The following CEP112 variants were observed in gnomAD, a reference collection of about 807,000 sequenced individuals.
The protein encoded by CEP112 is centrosomal protein of 112 kDa.
In CEP112, 127 loss-of-function variants were observed where a neutral mutation model predicts 153.0. The ratio of observed to expected loss-of-function variants is 0.83; its 90% CI spans 0.72 to 0.96. CEP112 has a LOEUF of 0.96. Among genes scored for constraint, CEP112 ranks in the 40% least tolerant of loss-of-function variants. The pLI, the probability that CEP112 is intolerant of heterozygous loss-of-function variation, is 0.00. For synonymous variants in CEP112, 358 were observed against 374.4 expected (o/e 0.96, Z 0.51); for missense variants, 1,089 against 1,101.2 (o/e 0.99, Z 0.16).
At chr17:65,713,410 T>TA (rs1359220882) in intron 23 of CEP112, among the ~76,000 whole-genome samples, 1 of 152,222 alleles carries the variant, frequency 6.6e-6, no homozygotes, top group Non-Finnish European at 1.5e-5. Context: ...CTATACTGTC[T>TA]AAAGAACAAT....
intron 24 of CEP112, among the ~76,000 whole-genome samples, chr17:65,649,159 A>G (rs909073567): frequency 6.6e-6 from 1 of 152,070 alleles, no homozygotes; most frequent in African/African-American, 2.4e-5. Context: ...AACCATGTCA[A>G]ATATGTCAAC....
Position 65,649,073 on chromosome 17 carries a change from AACACACAC to A in CEP112, c.2698-8016_2698-8009del, listed in dbSNP as rs71158400. Among the ~76,000 whole-genome samples the A allele has an allele frequency of 2.4e-3, 335 of 139,928 alleles. 1 individual carries two copies. Among genetic ancestry groups the A allele is most frequent in the Non-Finnish European group, 4.2e-3 (263 of 62,522 alleles). 91.8% of individuals were successfully genotyped at this position (139,928 alleles called of 152,430 possible). ...CTCAAAACAAACAAACAAACAAACA[AACACACAC>A]ACACACACACACACACACACACACA... On this transcript the variant is annotated intron_variant, in intron 24 of 26. Coordinates refer to ENST00000535342, the MANE Select transcript of CEP112 (RefSeq NM_001199165.4).
intron 8 of CEP112, among the ~76,000 whole-genome samples, chr17:66,071,922 T>C (rs551434928): frequency 6.6e-6 from 1 of 152,358 alleles, no homozygotes; most frequent in South Asian, 2.1e-4. Flanking sequence ...TTTTATTTTA[T>C]GTAGCTTGAT....
At chr17:65,669,808 C>CAGAA (rs2046885197) in intron 24 of CEP112, among the ~76,000 whole-genome samples, 1 of 150,556 alleles carries the variant, frequency 6.6e-6, no homozygotes, top group Non-Finnish European at 1.5e-5. Context: ...GAGGCTGAGG[C>CAGAA]AGAAGAATGG....
chr17:65,854,712 A>T (rs2058070092), intron 20 of CEP112, among the ~76,000 whole-genome samples: 1 of 152,214 alleles, frequency 6.6e-6, no homozygotes, highest in African/African-American at 2.4e-5. Context: ...AAATCTATGC[A>T]CTGTTTTAAC....
intron 24 of CEP112, among the ~76,000 whole-genome samples, chr17:65,660,320 C>A (rs2046296319): frequency 1.3e-5 from 1 of 79,986 alleles, no homozygotes; most frequent in African/African-American, 7.3e-5. Flanking sequence ...TTCTTTCTTC[C>A]TTTCTTTCTC....
At chr17:66,099,305 A>G (rs570554861) in intron 6 of CEP112, among the ~76,000 whole-genome samples, 4 of 152,230 alleles carry the variant, frequency 2.6e-5, no homozygotes, top group African/African-American at 9.6e-5. Context: ...GGAGTTCAAG[A>G]CCAGCCTGGC....
chr17:66,133,070 A>G (rs2070269339), intron 4 of CEP112, among the ~76,000 whole-genome samples: 1 of 152,036 alleles, frequency 6.6e-6, no homozygotes, highest in Admixed American at 6.5e-5. Flanking sequence ...AAACACACAA[A>G]AAATGATGTT....
intron 18 of CEP112, among the ~76,000 whole-genome samples, chr17:65,948,574 T>C (rs1003401349): frequency 6.4e-4 from 73 of 113,496 alleles, no homozygotes; most frequent in African/African-American, 2.1e-3. Flanking sequence ...AAAAATATGA[T>C]TTTATATATA....
intron 23 of CEP112, among the ~76,000 whole-genome samples, chr17:65,729,237 G>A (rs1347790820): frequency 6.6e-6 from 1 of 152,128 alleles, no homozygotes; most frequent in South Asian, 2.1e-4. Context: ...AAAGGGTCAG[G>A]ATAATTAAGA....
chr17:66,074,705 A>ATACAAAAAT (rs990647266), intron 8 of CEP112, among the ~76,000 whole-genome samples: 2 of 152,062 alleles, frequency 1.3e-5, no homozygotes, highest in African/African-American at 4.8e-5. Context: ...TCTACTAAAA[A>ATACAAAAAT]TACAAAAATT....
At chr17:66,146,437 C>A (rs2070921403) in intron 4 of CEP112, among the ~76,000 whole-genome samples, 1 of 152,050 alleles carries the variant, frequency 6.6e-6, no homozygotes, top group Non-Finnish European at 1.5e-5. Flanking sequence ...TCTGTAGGAT[C>A]TGTGTCAAGT....
intron 24 of CEP112, among the ~76,000 whole-genome samples, chr17:65,651,050 C>T (rs1231069028): frequency 6.6e-6 from 1 of 152,088 alleles, no homozygotes; most frequent in East Asian, 1.9e-4. Context: ...GAGCAGTGTA[C>T]ACTGAACCCA....
intron 17 of CEP112, among the ~76,000 whole-genome samples, chr17:66,005,182 A>G (rs2064221335): frequency 6.6e-6 from 1 of 152,234 alleles, no homozygotes; most frequent in African/African-American, 2.4e-5. Flanking sequence ...CAATCAATTT[A>G]GTAAATGAAT....
At chr17:66,142,137 G>C (rs1443265799) in intron 4 of CEP112, among the ~76,000 whole-genome samples, 1 of 152,152 alleles carries the variant, frequency 6.6e-6, no homozygotes, top group African/African-American at 2.4e-5. Flanking sequence ...GCGTGATGTT[G>C]AACATTTTAT....
At chr17:66,076,128 TA>T (rs890839927) in intron 8 of CEP112, among the ~76,000 whole-genome samples, 1 of 152,058 alleles carries the variant, frequency 6.6e-6, no homozygotes, top group Admixed American at 6.6e-5. Flanking sequence ...GCTAGAGGCA[TA>T]GGGGGAAATA....
chr17:66,044,260 C>G (rs1052385472), intron 12 of CEP112, among the ~76,000 whole-genome samples: 3 of 151,456 alleles, frequency 2.0e-5, no homozygotes, highest in African/African-American at 4.8e-5. Flanking sequence ...AACATCAAAG[C>G]AATATATTTT....
intron 21 of CEP112, among the ~76,000 whole-genome samples, chr17:65,841,370 C>T (rs369103114): frequency 6.6e-6 from 1 of 152,080 alleles, no homozygotes; most frequent in South Asian, 2.1e-4. Flanking sequence ...AATTAGATGT[C>T]ATTATGTTAA....
intron 23 of CEP112, among the ~76,000 whole-genome samples, chr17:65,709,009 T>C (rs232152): frequency 0.66 from 99,830 of 151,924 alleles, 35,204 homozygotes; most frequent in African/African-American, 0.91. Context: ...GTCTGTTTTA[T>C]CCTATTTCCC....
Sources: gnomAD v4.1 joint callset for allele counts (sites outside exome capture counted in the v4.1 genomes callset) on GRCh38, gnomAD v4.1.1 for gene constraint, MANE v1.5 for transcripts, NCBI Gene and HGNC (gene_info 2026-07-23, HGNC 2026-07-21) for gene names.